Variants in LRP8 observed in about 807,000 individuals in gnomAD.
LRP8 encodes low-density lipoprotein receptor-related protein 8.
Under a neutral mutation model 111.6 loss-of-function variants are expected in LRP8, and 46 were observed. The ratio of observed to expected loss-of-function variants is 0.41; its 90% CI spans 0.33 to 0.53. The LOEUF (loss-of-function observed/expected upper bound fraction) is 0.53, where lower values mean the gene tolerates loss of function less well. LRP8 is among the 20% of genes least tolerant of loss of function. LRP8 has a pLI of 0.20. For synonymous variants in LRP8, 464 were observed against 511.2 expected, an observed-to-expected ratio of 0.91 and a Z score of 1.24; for missense variants, 959 against 1,297.4, an observed-to-expected ratio of 0.74 and a Z score of 4.01.
intron 9 of LRP8, among the ~76,000 whole-genome samples, chr1:53,265,126 G>C (rs1646502897): frequency 6.6e-6 from 1 of 152,162 alleles, no homozygotes; most frequent in African/African-American, 2.4e-5. Context: ...GAATGACCGT[G>C]CCAGTGAGAA....
intron 3 of LRP8, among the ~76,000 whole-genome samples, chr1:53,282,940 C>T (rs1301310602): frequency 6.6e-6 from 1 of 152,164 alleles, no homozygotes; most frequent in Non-Finnish European, 1.5e-5. Flanking sequence ...GGAAACAGAA[C>T]CTCTCAAGGG....
At chr1:53,265,257 G>GTCC (rs1464418887) in intron 9 of LRP8, among the ~76,000 whole-genome samples, 2 of 152,148 alleles carry the variant, frequency 1.3e-5, no homozygotes, top group African/African-American at 4.8e-5. Context: ...GTTCCTTAGT[G>GTCC]TCCACTGCCA....
intron 2 of LRP8, among the ~76,000 whole-genome samples, chr1:53,318,416 A>C (rs933140857): frequency 6.6e-6 from 1 of 152,070 alleles, no homozygotes; most frequent in Non-Finnish European, 1.5e-5. Flanking sequence ...CCTCGCTGGA[A>C]AGGAGAGCCA....
chr1:53,316,414 T>C (rs1261573967), intron 2 of LRP8, among the ~76,000 whole-genome samples: 1 of 152,186 alleles, frequency 6.6e-6, no homozygotes, highest in Non-Finnish European at 1.5e-5. Context: ...CCGTCAGAGC[T>C]CAGCACAAAA....
In LRP8 at chr1:53,275,783, AGAGTCAGTGT is replaced by A. The variant is rs1557785738; in HGVS notation, c.884-40_884-31del. On this transcript the variant is annotated intron_variant, in intron 5 of 18. Transcript: ENST00000306052. This position sits in a 1 kb window ranked among gnomAD's most constrained non-coding sequence, Gnocchi z 4.4. ...CAGGAGAGGGCAAGGGGAGAGGATC[AGAGTCAGTGT>A]GGTGCTAGGACAATTTCCCCACCAC... The A allele has an allele frequency of 1.2e-6, 2 of 1,611,974 alleles. No individual in the cohort carries two copies. The highest frequency in any genetic ancestry group is 1.7e-6 in the Non-Finnish European group (2 of 1,179,130).
chr1:53,271,228 G>A lies in LRP8; in HGVS notation c.1125C>T (p.Gly375=), dbSNP rs146486060. The change falls in exon 7 of 19, where the codon GGC becomes GGT. Residue 375 remains glycine, a splice_region_variant and synonymous_variant. Transcript: ENST00000306052. The part of the protein sequence containing the change: ...GFQLLDQKTC[G]DIDECKDPDA... ...TGGGGGTGTGGGAGAAGGTCTCACCGCCACAGGTCTTCTGGTCCAGGAGCT... is the reference window on the plus strand; with the variant it reads ...TGGGGGTGTGGGAGAAGGTCTCACCACCACAGGTCTTCTGGTCCAGGAGCT... 83 of 1,613,784 alleles carry A rather than the reference G, an allele frequency of 5.1e-5. No individual in the cohort carries two copies. The highest frequency in any genetic ancestry group is 6.7e-5 in the African/African-American group (5 of 74,768).
At chr1:53,289,778 C>T in intron 2 of LRP8, 89 bp from the exon 3 acceptor site, 3 of 1,542,778 alleles carry the variant, frequency 1.9e-6, no homozygotes, top group South Asian at 2.4e-5. Context: ...GCAAACCAGG[C>T]CATGGACTGC....
intron 5 of LRP8, among the ~76,000 whole-genome samples, chr1:53,276,383 C>T (rs1646916859): frequency 6.7e-6 from 1 of 149,442 alleles, no homozygotes; most frequent in Admixed American, 6.7e-5. Flanking sequence ...ATGGGGGGAG[C>T]TCCTGAGCCT....
intron 15 of LRP8, 108 bp downstream of exon 15, chr1:53,257,132 G>A: frequency 1.0e-6 from 1 of 988,834 alleles, no homozygotes; most frequent in Admixed American, 2.1e-5. Context: ...CCTCCTCAAA[G>A]ATATGCAGTA....
At chr1:53,290,178 T>A (rs1648420355) in intron 2 of LRP8, among the ~76,000 whole-genome samples, 1 of 152,202 alleles carries the variant, frequency 6.6e-6, no homozygotes, top group African/African-American at 2.4e-5. Context: ...ACGTATTTTG[T>A]GTTCAGAGCA....
chr1:53,321,416 G>T (rs1014542032), intron 2 of LRP8, among the ~76,000 whole-genome samples: 11 of 152,166 alleles, frequency 7.2e-5, no homozygotes, highest in African/African-American at 2.7e-4. Context: ...CCCTCCCACA[G>T]ACCCCAGTGC....
intron 8 of LRP8, among the ~76,000 whole-genome samples, chr1:53,269,417 A>G (rs1187978549): frequency 6.6e-6 from 1 of 151,910 alleles, no homozygotes; most frequent in Non-Finnish European, 1.5e-5. Flanking sequence ...GGCTCAAGGG[A>G]TCTTCCTGCC....
At chr1:53,308,302 G>T (rs955552269) in intron 2 of LRP8, among the ~76,000 whole-genome samples, 7 of 152,218 alleles carry the variant, frequency 4.6e-5, no homozygotes, top group African/African-American at 1.7e-4. Context: ...AGTGCTCACC[G>T]CATCTCCAGG....
At chr1:53,324,750 C>A (rs1230784189) in intron 2 of LRP8, among the ~76,000 whole-genome samples, 2 of 152,326 alleles carry the variant, frequency 1.3e-5, no homozygotes, top group East Asian at 3.9e-4. Flanking sequence ...TCGTCCAAAG[C>A]CTCACATGGA....
intron 14 of LRP8, among the ~76,000 whole-genome samples, chr1:53,257,677 T>C (rs869988): frequency 0.38 from 57,240 of 152,110 alleles, 11,817 homozygotes; most frequent in East Asian, 0.76. Context: ...CATTAAAACA[T>C]TGCTGTGGAA....
In LRP8 at chr1:53,243,093, G is replaced by A. The variant is rs1416694002; in HGVS notation, c.*3925C>T. 2.0e-5 allele frequency: 3 copies of A among 151,922 alleles called. No individual in the cohort carries two copies. Among genetic ancestry groups the A allele is most frequent in the South Asian group, 2.1e-4 (1 of 4,820 alleles). The allele number at this position is 151,922 out of a possible 1,614,324, so 9.4% of individuals were successfully genotyped here. ...CTGTTACTCTATCTTCATGCATTTC[G>A]GGAAAAGGAATTATTTACTCTGAAA... On this transcript the variant is annotated 3_prime_UTR_variant, in exon 19 of 19. Transcript: ENST00000306052.
rs761119181 is a variant in LRP8 at position 53,271,214 on chromosome 1, G to A, written c.1126+13C>T. 9 of 1,613,824 alleles carry A rather than the reference G, an allele frequency of 5.6e-6. No individual in the cohort carries two copies. Among genetic ancestry groups the A allele is most frequent in the Non-Finnish European group, 6.8e-6 (8 of 1,180,018 alleles). ...GATCTGCTTCTGCTTGGGGGTGTGG[G>A]AGAAGGTCTCACCGCCACAGGTCTT... On this transcript the variant is annotated intron_variant, in intron 7 of 18. Transcript: ENST00000306052.
chr1:53,250,171 G>C lies in LRP8; in HGVS notation c.2676+519C>G, dbSNP rs1645849681. On this transcript the variant is annotated intron_variant, in intron 17 of 18. Coordinates refer to ENST00000306052, the MANE Select transcript of LRP8 (RefSeq NM_004631.5). This position sits in a 1 kb window ranked among gnomAD's most constrained non-coding sequence, Gnocchi z 4.6. ...CTACCAGCTTCTTGGGAGCAAGCAT[G>C]TTCCTTATTGACTTTTGAATACTTG... 6.6e-6 allele frequency among the ~76,000 whole-genome samples: 1 copy of C among 152,174 alleles called. No homozygotes were observed. The highest frequency in any genetic ancestry group is 1.5e-5 in the Non-Finnish European group (1 of 68,028).
At chr1:53,285,713 C>T (rs1047314198) in intron 3 of LRP8, among the ~76,000 whole-genome samples, 1 of 152,176 alleles carries the variant, frequency 6.6e-6, no homozygotes, top group Non-Finnish European at 1.5e-5. Flanking sequence ...GGGGAATGCA[C>T]ATTATAAGTC....
Sources: allele counts gnomAD v4.1 joint callset (sites outside exome capture counted in the v4.1 genomes callset), GRCh38; gene constraint gnomAD v4.1.1; non-coding constraint Gnocchi (gnomAD v3.1); transcripts MANE v1.5; gene names NCBI Gene and HGNC (gene_info 2026-07-23, HGNC 2026-07-21).